The following SYNE1 variants were observed in gnomAD, a reference collection of about 807,000 sequenced individuals.
The protein encoded by SYNE1 is nesprin-1.
Under a neutral mutation model 1,111.0 loss-of-function variants are expected in SYNE1, and 616 were observed. The observed-to-expected ratio is 0.55, with a 90% CI of 0.52 to 0.59. The LOEUF (loss-of-function observed/expected upper bound fraction) is 0.59. SYNE1 is among the 20% of genes least tolerant of loss of function. The pLI is 0.00. For missense variants in SYNE1, 10,006 were observed against 10,417.0 expected, an observed-to-expected ratio of 0.96 and a Z score of 1.72; for synonymous variants, 3,855 against 3,825.8, an observed-to-expected ratio of 1.01 and a Z score of -0.28.
intron 5 of SYNE1, among the ~76,000 whole-genome samples, chr6:152,525,304 G>A (rs1004000288): frequency 2.0e-5 from 3 of 152,088 alleles, no homozygotes; most frequent in Admixed American, 6.5e-5. Context: ...CAAGATACAA[G>A]TGATAAAGAA....
intron 3 of SYNE1, among the ~76,000 whole-genome samples, chr6:152,616,173 T>C (rs551920592): frequency 6.6e-6 from 1 of 152,272 alleles, no homozygotes; most frequent in East Asian, 1.9e-4. Flanking sequence ...GAAATCATCT[T>C]TATAATAAGT....
intron 84 of SYNE1, among the ~76,000 whole-genome samples, chr6:152,320,810 C>T (rs17696318): frequency 0.018 from 2,813 of 152,266 alleles, 52 homozygotes; most frequent in South Asian, 0.091. Flanking sequence ...ATAACTTCAT[C>T]CCTGCCTTGA....
chr6:152,430,450 G>A, intron 35 of SYNE1, 32 bp downstream of exon 35: 2 of 1,571,730 alleles, frequency 1.3e-6, no homozygotes, highest in Non-Finnish European at 1.8e-6. Flanking sequence ...TGTGAAATAT[G>A]TAAACTTAAG....
intron 100 of SYNE1, among the ~76,000 whole-genome samples, chr6:152,264,059 A>G (rs1467564385): frequency 6.6e-6 from 1 of 151,732 alleles, no homozygotes; most frequent in Non-Finnish European, 1.5e-5. Flanking sequence ...AAATACAAAA[A>G]TTAGCCAGGC....
intron 3 of SYNE1, among the ~76,000 whole-genome samples, chr6:152,572,241 C>A (rs918962416): frequency 6.6e-6 from 1 of 152,108 alleles, no homozygotes; most frequent in Non-Finnish European, 1.5e-5. Flanking sequence ...TACCATCTTA[C>A]GTAAATTCAA....
chr6:152,233,730 T>A (rs1318453758), intron 112 of SYNE1, 51 bp downstream of exon 112: 2 of 1,608,486 alleles, frequency 1.2e-6, no homozygotes, highest in African/African-American at 2.7e-5. Flanking sequence ...TATTTCTCCA[T>A]GTCAAATAGC....
At chr6:152,437,894 T>C (rs2098488477) in intron 32 of SYNE1, among the ~76,000 whole-genome samples, 1 of 152,188 alleles carries the variant, frequency 6.6e-6, no homozygotes, top group Admixed American at 6.5e-5. Flanking sequence ...TATTATATCT[T>C]CATGTTTAAA....
intron 64 of SYNE1, 83 bp from the exon 65 acceptor site, chr6:152,359,541 G>A: frequency 6.4e-7 from 1 of 1,567,008 alleles, no homozygotes; most frequent in South Asian, 1.1e-5. Context: ...TATTTTAATT[G>A]TACAGTTGAC....
chr6:152,509,252 T>G (rs544111986), intron 8 of SYNE1, among the ~76,000 whole-genome samples: 6,648 of 137,722 alleles, frequency 0.048, 183 homozygotes, highest in Non-Finnish European at 0.064. Flanking sequence ...CTTTTTCTTT[T>G]TTTTTTTTTT....
chr6:152,342,859 A>C (rs2096559465), intron 74 of SYNE1, among the ~76,000 whole-genome samples: 1 of 152,222 alleles, frequency 6.6e-6, no homozygotes, highest in Admixed American at 6.5e-5. Flanking sequence ...ATAAAAACTA[A>C]CATTTCATTC....
At chr6:152,466,153 A>G in intron 16 of SYNE1, 75 bp from the exon 17 acceptor site, 4 of 930,686 alleles carry the variant, frequency 4.3e-6, no homozygotes, top group Admixed American at 3.6e-5. Context: ...TTTCTTCAGT[A>G]TAGCTATAAG....
chr6:152,336,787 G>T, intron 76 of SYNE1, 54 bp downstream of exon 76: 1 of 1,599,520 alleles, frequency 6.3e-7, no homozygotes, highest in Non-Finnish European at 8.5e-7. Context: ...CACATTTCAG[G>T]TTTTCTACTC....
At chr6:152,609,164 G>T (rs139616212) in intron 3 of SYNE1, among the ~76,000 whole-genome samples, 1 of 152,010 alleles carries the variant, frequency 6.6e-6, no homozygotes, top group African/African-American at 2.4e-5. Context: ...AAGCAGGGTG[G>T]GGCACCGCCT....
chr6:152,546,385 T>C (rs2099313160), intron 3 of SYNE1: 1 of 152,176 alleles, frequency 6.6e-6, no homozygotes, highest in African/African-American at 2.4e-5. Context: ...GCCTCTTCTC[T>C]TAGGAGGTGG....
chr6:152,589,079 G>T (rs1302337164), intron 3 of SYNE1, among the ~76,000 whole-genome samples: 7 of 151,944 alleles, frequency 4.6e-5, no homozygotes, highest in Admixed American at 3.9e-4. Flanking sequence ...GATCATTTTT[G>T]TGTTTTTAGT....
intron 63 of SYNE1, among the ~76,000 whole-genome samples, chr6:152,363,265 C>T (rs75655633): frequency 0.44 from 64,073 of 145,676 alleles, 15,627 homozygotes; most frequent in Non-Finnish European, 0.55. Context: ...GAGGCCAAGG[C>T]GGGTGGATCA....
intron 140 of SYNE1, among the ~76,000 whole-genome samples, chr6:152,138,560 A>T (rs1315926153): frequency 3.3e-5 from 5 of 149,878 alleles, no homozygotes; most frequent in African/African-American, 1.2e-4. Context: ...AATAAATAAA[A>T]TAAAACAAAA....
At chr6:152,503,399 T>C (rs1405112746) in intron 9 of SYNE1, among the ~76,000 whole-genome samples, 1 of 152,216 alleles carries the variant, frequency 6.6e-6, no homozygotes, top group African/African-American at 2.4e-5. Context: ...ATCACTGTGA[T>C]TTTGAAGCTT....
At chr6:152,542,042 T>C (rs2099273446) in intron 3 of SYNE1, among the ~76,000 whole-genome samples, 1 of 152,158 alleles carries the variant, frequency 6.6e-6, no homozygotes, top group South Asian at 2.1e-4. Flanking sequence ...CAGCATGTAC[T>C]GAGTATCAGC....
Sources: allele counts gnomAD v4.1 joint callset (sites outside exome capture counted in the v4.1 genomes callset), GRCh38; gene constraint gnomAD v4.1.1; transcripts MANE v1.5; gene names NCBI Gene and HGNC (gene_info 2026-07-23, HGNC 2026-07-21).